POU2F1: variants seen among roughly 807,000 people sequenced by gnomAD.
POU2F1 encodes the protein POU class 2 homeobox 1, also known as POU domain, class 2, transcription factor 1.
In POU2F1, 16 loss-of-function variants were observed where a neutral mutation model predicts 84.9. The ratio of observed to expected loss-of-function variants is 0.19; its 90% CI spans 0.13 to 0.29. The LOEUF (loss-of-function observed/expected upper bound fraction) is 0.29. Ranked by LOEUF, POU2F1 falls within the 10% of genes least tolerant of loss-of-function variation. POU2F1 has a pLI of 1.00. For synonymous variants in POU2F1, 368 were observed against 368.3 expected, an observed-to-expected ratio of 1.00 and a Z score of 0.01; for missense variants, 738 against 942.6, an observed-to-expected ratio of 0.78 and a Z score of 2.84.
intron 1 of POU2F1, among the ~76,000 whole-genome samples, chr1:167,249,059 GA>G: frequency 6.6e-6 from 1 of 152,146 alleles, no homozygotes; most frequent in Non-Finnish European, 1.5e-5. Context: ...CCTGGGGTGA[GA>G]AAACCTTTTC....
chr1:167,393,477 T>A (rs974548754), intron 9 of POU2F1, among the ~76,000 whole-genome samples: 1 of 152,170 alleles, frequency 6.6e-6, no homozygotes, highest in African/African-American at 2.4e-5. Flanking sequence ...CATGATTTTT[T>A]AATATATATT....
At chr1:167,332,783 T>C (rs536411116) in intron 2 of POU2F1, among the ~76,000 whole-genome samples, 2 of 152,336 alleles carry the variant, frequency 1.3e-5, no homozygotes, top group East Asian at 3.9e-4. Flanking sequence ...AGGAAAACTG[T>C]CCTTTGGGTC....
intron 2 of POU2F1, 87 bp from the exon 3 acceptor site, chr1:167,365,380 G>T: frequency 3.2e-6 from 3 of 938,816 alleles, no homozygotes; most frequent in Non-Finnish European, 1.6e-6. Context: ...TGCAAAATAG[G>T]TGCCTGATGA....
At chr1:167,250,083 AT>A (rs570183392) in intron 1 of POU2F1, among the ~76,000 whole-genome samples, 8 of 147,074 alleles carry the variant, frequency 5.4e-5, no homozygotes, top group South Asian at 2.2e-4. Flanking sequence ...TTTGTGTGTC[AT>A]TTTTTTTTTC....
chr1:167,358,897 T>A (rs562869683), intron 2 of POU2F1, among the ~76,000 whole-genome samples: 1 of 151,830 alleles, frequency 6.6e-6, no homozygotes, highest in African/African-American at 2.4e-5. Flanking sequence ...TTAAATTGTT[T>A]GTTTGCTCCT....
At chr1:167,233,999 A>G (rs1294693060) in intron 1 of POU2F1, among the ~76,000 whole-genome samples, 2 of 152,212 alleles carry the variant, frequency 1.3e-5, no homozygotes, top group African/African-American at 2.4e-5. Flanking sequence ...CTTTCAGGTT[A>G]GGAAACCGAG....
intron 9 of POU2F1, among the ~76,000 whole-genome samples, chr1:167,391,979 T>C (rs1237348402): frequency 6.6e-6 from 1 of 151,584 alleles, no homozygotes; most frequent in African/African-American, 2.4e-5. Flanking sequence ...TTGTGAGGAG[T>C]TTGACTTGTG....
intron 1 of POU2F1, among the ~76,000 whole-genome samples, chr1:167,295,589 G>A (rs565983938): frequency 2.0e-5 from 3 of 152,290 alleles, no homozygotes; most frequent in African/African-American, 4.8e-5. Flanking sequence ...CAGATGACAG[G>A]TGCATTAAAA....
At chr1:167,288,954 C>T (rs1481228953) in intron 1 of POU2F1, among the ~76,000 whole-genome samples, 1 of 152,178 alleles carries the variant, frequency 6.6e-6, no homozygotes, top group Non-Finnish European at 1.5e-5. Context: ...GAACTCAGTG[C>T]TCTTTAAATG....
intron 2 of POU2F1, among the ~76,000 whole-genome samples, chr1:167,336,294 T>C (rs944845253): frequency 2.0e-5 from 3 of 152,248 alleles, no homozygotes; most frequent in African/African-American, 7.2e-5. Context: ...CTTGTTGCTA[T>C]TGCAATGATC....
At chr1:167,298,356 G>A (rs978217547) in intron 1 of POU2F1, among the ~76,000 whole-genome samples, 2 of 151,910 alleles carry the variant, frequency 1.3e-5, no homozygotes, top group Non-Finnish European at 2.9e-5. Flanking sequence ...AATAAAAAAT[G>A]TTCCTTGAAC....
intron 1 of POU2F1, among the ~76,000 whole-genome samples, chr1:167,262,989 G>A (rs948325930): frequency 1.1e-4 from 17 of 152,178 alleles, no homozygotes; most frequent in Non-Finnish European, 2.5e-4. Flanking sequence ...ACAGTGGGGA[G>A]CCACTGAAGT....
chr1:167,249,787 C>G (rs1650589421), intron 1 of POU2F1, among the ~76,000 whole-genome samples: 1 of 152,072 alleles, frequency 6.6e-6, no homozygotes, highest in African/African-American at 2.4e-5. Flanking sequence ...ATCTGGTGGT[C>G]ATTGGTGTGA....
chr1:167,409,845 A>G (rs78189879), intron 13 of POU2F1, among the ~76,000 whole-genome samples: 1,625 of 152,348 alleles, frequency 0.011, 29 homozygotes, highest in African/African-American at 0.037. Context: ...AGTAGTACCC[A>G]TAGGTAAAAT....
At chr1:167,415,237 C>T (rs1049589185) in intron 15 of POU2F1, among the ~76,000 whole-genome samples, 2 of 152,200 alleles carry the variant, frequency 1.3e-5, no homozygotes, top group Non-Finnish European at 2.9e-5. Context: ...GACTCTAATT[C>T]ATTAGACAGT....
chr1:167,283,301 AAGG>A (rs1039824873), intron 1 of POU2F1, among the ~76,000 whole-genome samples: 3 of 152,138 alleles, frequency 2.0e-5, no homozygotes, highest in Admixed American at 6.5e-5. Context: ...TACCAACAAA[AAGG>A]AGGAAAAAAA....
chr1:167,383,804 A>G (rs1647747332), intron 7 of POU2F1, 53 bp from the exon 8 acceptor site: 2 of 1,470,978 alleles, frequency 1.4e-6, no homozygotes, highest in Middle Eastern at 1.7e-4. Context: ...TTCTTTTGCC[A>G]TGTGTTCGAA....
At chr1:167,255,342 A>G (rs28533049) in intron 1 of POU2F1, among the ~76,000 whole-genome samples, 1 of 152,214 alleles carries the variant, frequency 6.6e-6, no homozygotes, top group Non-Finnish European at 1.5e-5. Context: ...GGTGGAACCC[A>G]TGAATCTATA....
intron 1 of POU2F1, among the ~76,000 whole-genome samples, chr1:167,235,588 C>T (rs1471005796): frequency 6.6e-6 from 1 of 152,142 alleles, no homozygotes; most frequent in Non-Finnish European, 1.5e-5. Context: ...GGATTTGTTC[C>T]TATGTATTGC....
Sources: gnomAD v4.1 joint callset for allele counts (sites outside exome capture counted in the v4.1 genomes callset) on GRCh38, gnomAD v4.1.1 for gene constraint, MANE v1.5 for transcripts, NCBI Gene and HGNC (gene_info 2026-07-23, HGNC 2026-07-21) for gene names.